The following PCDH15 variants were observed in gnomAD, a reference collection of about 807,000 sequenced individuals.
PCDH15 encodes the protein protocadherin related 15.
In PCDH15, 129 loss-of-function variants were observed where a neutral mutation model predicts 178.5. The observed-to-expected ratio is 0.72, with a 90% CI of 0.63 to 0.84. The LOEUF is 0.84. Among genes scored for constraint, PCDH15 ranks in the 40% least tolerant of loss-of-function variants. The pLI is 0.00. For missense variants in PCDH15, 2,230 were observed against 2,099.9 expected, an observed-to-expected ratio of 1.06 and a Z score of -1.21; for synonymous variants, 800 against 732.0, an observed-to-expected ratio of 1.09 and a Z score of -1.50.
intron 7 of PCDH15, among the ~76,000 whole-genome samples, chr10:54,317,751 G>A (rs1280613508): frequency 2.6e-5 from 4 of 151,776 alleles, no homozygotes; most frequent in Non-Finnish European, 4.4e-5. Flanking sequence ...CAGCCTGGGC[G>A]ACAGAGTGAG....
Position 53,810,662 on chromosome 10 carries a change from T to C in PCDH15, c.4565A>G (p.Tyr1522Cys). Residue 1522 changes from tyrosine to cysteine, a missense_variant and splice_region_variant, in exon 37 of 38, where the codon TAT (tyrosine) becomes TGT (cysteine). Tyr to Cys is a radical substitution (Grantham distance 194). Transcript: ENST00000644397. ...GQDYYSYEHG[Y>C]EMPQYGSRRR... The stretch of plus-strand genomic sequence containing the variant: ...GCGACTCCCATATTGAGGCATTTCA[T>C]ACCTGTAATATAAACTTACATCTTT... 6.2e-7 allele frequency: 1 copy of C among 1,611,892 alleles called. No homozygotes were observed. Among genetic ancestry groups the C allele is most frequent in the Non-Finnish European group, 8.5e-7 (1 of 1,178,060 alleles).
chr10:54,153,130 G>T lies in PCDH15; in HGVS notation c.1754C>A (p.Ala585Glu). The part of the protein sequence containing the change: ...VGRTYALTVQ[A>E]ADNAPPAERR... ...CTCTGCAGGAGGAGCATTATCCGCT[G>T]CTTGGACCGTGAGTGCGTAAGTCCG... Residue 585 changes from alanine (A) to glutamate (E), a missense_variant, in exon 14 of 38, where the codon GCA becomes GAA. By Grantham distance (107) the Ala-to-Glu change is moderately radical. Transcript: ENST00000644397. The T allele has an allele frequency of 6.2e-7, 1 of 1,613,854 alleles. No individual in the cohort carries two copies.
chr10:55,374,693 G>T (rs761707035), intron 2 of PCDH15, among the ~76,000 whole-genome samples: 46 of 151,882 alleles, frequency 3.0e-4, no homozygotes, highest in Admixed American at 6.6e-4. Flanking sequence ...TACTACCCAT[G>T]AATACAAAAA....
chr10:54,061,725 TC>T (rs1469411282), intron 18 of PCDH15, among the ~76,000 whole-genome samples: 2 of 152,240 alleles, frequency 1.3e-5, no homozygotes, highest in South Asian at 2.1e-4. Flanking sequence ...TTTGAGTATA[TC>T]TTTTCATACA....
At chr10:54,079,462 G>T (rs1055860731) in intron 16 of PCDH15, 38 bp from the exon 17 acceptor site, 2 of 1,564,034 alleles carry the variant, frequency 1.3e-6, no homozygotes, top group Middle Eastern at 1.7e-4. Flanking sequence ...GACAAAAAGA[G>T]ATATTATGTC....
chr10:54,529,433 A>C (rs2083688813), intron 2 of PCDH15, among the ~76,000 whole-genome samples: 1 of 152,048 alleles, frequency 6.6e-6, no homozygotes, highest in Non-Finnish European at 1.5e-5. Context: ...AATGATTTTC[A>C]TGTACCCAAA....
chr10:55,304,443 T>A (rs1324039031), intron 1 of PCDH15, among the ~76,000 whole-genome samples: 1 of 152,206 alleles, frequency 6.6e-6, no homozygotes, highest in Non-Finnish European at 1.5e-5. Flanking sequence ...TTTCTCCACC[T>A]TTCAGGTTTT....
intron 1 of PCDH15, among the ~76,000 whole-genome samples, chr10:55,177,834 T>C (rs1042691954): frequency 6.6e-6 from 1 of 151,886 alleles, no homozygotes; most frequent in Admixed American, 6.6e-5. Flanking sequence ...AGAAACTACC[T>C]TGGAGAACCC....
chr10:53,849,934 A>T (rs1209455493), intron 28 of PCDH15, among the ~76,000 whole-genome samples: 3 of 148,942 alleles, frequency 2.0e-5, no homozygotes, highest in Non-Finnish European at 3.0e-5. Flanking sequence ...CATACAAAAT[A>T]AAAAAAAGCT....
intron 37 of PCDH15, chr10:53,809,577 C>G: frequency 6.3e-7 from 1 of 1,594,826 alleles, no homozygotes; most frequent in Non-Finnish European, 8.5e-7. Context: ...ATTGAAGTGT[C>G]AGCTTGGAGA....
intron 3 of PCDH15, among the ~76,000 whole-genome samples, chr10:54,835,136 A>G (rs1036550512): frequency 6.6e-6 from 1 of 152,166 alleles, no homozygotes; most frequent in Non-Finnish European, 1.5e-5. Flanking sequence ...CCACTCAATA[A>G]TAATATTATG....
At chr10:55,474,402 G>GA (rs1171195100) in intron 2 of PCDH15, among the ~76,000 whole-genome samples, 2 of 152,052 alleles carry the variant, frequency 1.3e-5, no homozygotes, top group East Asian at 3.8e-4. Flanking sequence ...GCTTCAGGGA[G>GA]AAAAAATAAA....
chr10:54,903,133 C>T (rs773814531), intron 2 of PCDH15, among the ~76,000 whole-genome samples: 7 of 151,804 alleles, frequency 4.6e-5, no homozygotes, highest in Non-Finnish European at 7.4e-5. Context: ...ATAAAGATGA[C>T]GGTTGGAGGT....
At chr10:54,307,081 C>T (rs7898448) in intron 8 of PCDH15, among the ~76,000 whole-genome samples, 1,695 of 10,832 alleles carry the variant, frequency 0.16, 166 homozygotes, top group Non-Finnish European at 0.17. Context: ...TATATATATA[C>T]ATATATATAT....
intron 14 of PCDH15, among the ~76,000 whole-genome samples, chr10:54,135,139 G>A (rs1032649568): frequency 1.3e-4 from 19 of 150,542 alleles, no homozygotes; most frequent in African/African-American, 4.4e-4. Context: ...GGAGACGGAG[G>A]TTGTAGTGAC....
chr10:54,549,222 C>CAT lies in PCDH15; in HGVS notation c.92-21346_92-21345insAT, dbSNP rs2086254805. On this transcript the variant is annotated intron_variant, in intron 2 of 37. Coordinates refer to ENST00000644397, the MANE Select transcript of PCDH15 (RefSeq NM_001384140.1). ...CTTTGTCCTTATTCTCTTTTCTTTACACACACACACACACAATATTTCAGA... is the reference window on the plus strand; with the variant it reads ...CTTTGTCCTTATTCTCTTTTCTTTACATACACACACACACACAATATTTCAGA... Among the ~76,000 whole-genome samples, 5 of 150,038 alleles carry CAT rather than the reference C, an allele frequency of 3.3e-5. No homozygotes were observed. The South Asian group carries it at 1.1e-3, about 32-fold the overall frequency.
chr10:55,357,410 C>T (rs928376630), intron 2 of PCDH15, among the ~76,000 whole-genome samples: 4 of 151,896 alleles, frequency 2.6e-5, no homozygotes, highest in African/African-American at 9.7e-5. Context: ...AGAATTAAAT[C>T]TCTAAGGTAG....
At chr10:54,001,662 A>T (rs2092141523) in intron 20 of PCDH15, among the ~76,000 whole-genome samples, 1 of 152,136 alleles carries the variant, frequency 6.6e-6, no homozygotes, top group South Asian at 2.1e-4. Flanking sequence ...AAGAAAGAAG[A>T]CAAACCATAA....
intron 18 of PCDH15, among the ~76,000 whole-genome samples, chr10:54,037,291 T>C (rs1005027881): frequency 6.6e-6 from 1 of 151,940 alleles, no homozygotes; most frequent in Admixed American, 6.6e-5. Context: ...TCAAACAGCA[T>C]CACTAGCTAC....
Sources: gnomAD v4.1 joint callset for allele counts (sites outside exome capture counted in the v4.1 genomes callset) on GRCh38, gnomAD v4.1.1 for gene constraint, MANE v1.5 for transcripts, NCBI Gene and HGNC (gene_info 2026-07-23, HGNC 2026-07-21) for gene names.